Variants in ZBTB17 observed in about 807,000 individuals in gnomAD.
The protein encoded by ZBTB17 is zinc finger and BTB domain containing 17, also known as zinc finger and BTB domain-containing protein 17.
In ZBTB17, 24 loss-of-function variants were observed where a neutral mutation model predicts 85.1. The ratio of observed to expected loss-of-function variants is 0.28; its 90% CI spans 0.20 to 0.40. The LOEUF (loss-of-function observed/expected upper bound fraction) is 0.40. Among genes scored for constraint, ZBTB17 ranks in the 10% least tolerant of loss-of-function variants. ZBTB17 has a pLI of 1.00. For synonymous variants in ZBTB17, 464 were observed against 460.2 expected, an observed-to-expected ratio of 1.01 and a Z score of -0.11; for missense variants, 743 against 1,105.1, an observed-to-expected ratio of 0.67 and a Z score of 4.65.
Position 15,944,714 on chromosome 1 carries a change from G to A in ZBTB17, c.1053C>T (p.Ala351=). The A allele has an allele frequency of 6.2e-7, 1 of 1,609,632 alleles. No homozygotes were observed. The highest frequency in any genetic ancestry group is 8.5e-7 in the Non-Finnish European group (1 of 1,179,886). ...KAFSDPAACK[A]HEKTHSPLKP... ...GGCAGTACCTGTGCGTCTTCTCATGGGCCTTGCACGCGGCCGGGTCGGAAA... is the reference window on the plus strand; with the variant it reads ...GGCAGTACCTGTGCGTCTTCTCATGAGCCTTGCACGCGGCCGGGTCGGAAA... The change falls in exon 8 of 16, where the codon GCC becomes GCT. Residue 351 remains alanine (A), a synonymous_variant. Coordinates refer to ENST00000375743, the MANE Select transcript of ZBTB17 (RefSeq NM_003443.3).
At chr1:15,965,989 A>G (rs192369042) in intron 2 of ZBTB17, among the ~76,000 whole-genome samples, 19 of 152,226 alleles carry the variant, frequency 1.2e-4, no homozygotes, top group African/African-American at 4.6e-4. Context: ...TAATGGGTAC[A>G]TGGAAGATGT....
rs1570099161 is a variant in ZBTB17 at position 15,943,828 on chromosome 1, C to G, written c.1439G>C (p.Gly480Ala). ...CCTACCTGAGGTGGTGAACTGCTTC[C>G]CACACTCTCGGCACTTGAGGGGCCC... ...ADGPLKCREC[G>A]KQFTTSGNLK... Residue 480 changes from glycine (G) to alanine (A), a missense_variant, in exon 10 of 16, where the codon GGG (glycine) becomes GCG (alanine). Around this residue, in one of 4 missense-constraint regions of ZBTB17, gnomAD observed 321 missense variants for 615.7 expected, o/e 0.52. Transcript: ENST00000375743. 1 of 1,612,126 alleles carries G rather than the reference C, an allele frequency of 6.2e-7. No individual in the cohort carries two copies. Among genetic ancestry groups the G allele is most frequent in the Non-Finnish European group, 8.5e-7 (1 of 1,179,482 alleles).
intron 13 of ZBTB17, 159 bp from the exon 14 acceptor site, chr1:15,942,897 A>G: frequency 2.3e-6 from 3 of 1,329,474 alleles, no homozygotes; most frequent in Non-Finnish European, 3.1e-6. Context: ...GCACCTCTGG[A>G]AGCTCTAGGA....
Position 15,944,470 on chromosome 1 carries a change from T to C in ZBTB17, c.1201A>G (p.Thr401Ala). ...TGGTGGCGCTTGAGGTTGCCCGAGGTGGTGAAGAGCTTGCCGCAGTCCTCG... is the reference window on the plus strand; with the variant it reads ...TGGTGGCGCTTGAGGTTGCCCGAGGCGGTGAAGAGCTTGCCGCAGTCCTCG... ...RCEDCGKLFT[T>A]SGNLKRHQLV... The change falls in exon 9 of 16, where the codon ACC becomes GCC. Residue 401 changes from threonine (T) to alanine (A), a missense_variant. Around this residue, in one of 4 missense-constraint regions of ZBTB17, gnomAD observed 321 missense variants for 615.7 expected, o/e 0.52. Coordinates refer to ENST00000375743, the MANE Select transcript of ZBTB17 (RefSeq NM_003443.3). The C allele has an allele frequency of 6.3e-7, 1 of 1,576,804 alleles. No homozygotes were observed.
chr1:15,942,463 T>C (rs1408527706), intron 14 of ZBTB17, 43 bp from the exon 15 acceptor site: 1 of 1,611,404 alleles, frequency 6.2e-7, no homozygotes, highest in Non-Finnish European at 8.5e-7. Flanking sequence ...GCACGGGCAC[T>C]GCCCCATCAT....
At chr1:15,956,015 G>A (rs2148787322) in intron 2 of ZBTB17, among the ~76,000 whole-genome samples, 1 of 152,324 alleles carries the variant, frequency 6.6e-6, no homozygotes, top group South Asian at 2.1e-4. Flanking sequence ...CAGGATTCCA[G>A]CAGCCCAGGC....
At chr1:15,969,233 G>A (rs182833675) in intron 2 of ZBTB17, among the ~76,000 whole-genome samples, 187 of 152,276 alleles carry the variant, frequency 1.2e-3, no homozygotes, top group Middle Eastern at 6.8e-3. Flanking sequence ...CCCCAGATGG[G>A]ATCGTCTAGT....
intron 2 of ZBTB17, among the ~76,000 whole-genome samples, chr1:15,972,030 C>T (rs554456384): frequency 2.0e-4 from 31 of 152,224 alleles, no homozygotes; most frequent in Admixed American, 1.8e-3. Context: ...TTACAGTGAT[C>T]AGTCCAAAAT....
intron 1 of ZBTB17, among the ~76,000 whole-genome samples, chr1:15,975,635 A>C (rs2072845215): frequency 6.6e-6 from 1 of 151,934 alleles, no homozygotes; most frequent in Non-Finnish European, 1.5e-5. Context: ...CGGCCGCAGA[A>C]CGCCCACCCT....
chr1:15,945,834 T>C lies in ZBTB17; in HGVS notation c.542A>G (p.Glu181Gly). 6.3e-7 allele frequency: 1 copy of C among 1,595,934 alleles called. No individual in the cohort carries two copies. The highest frequency in any genetic ancestry group is 8.5e-7 in the Non-Finnish European group (1 of 1,175,310). The change falls in exon 6 of 16, where the codon GAG becomes GGG. Residue 181 changes from glutamate (E) to glycine (G), a missense_variant. Glu to Gly is a moderately conservative substitution (Grantham distance 98, BLOSUM62 -2). Coordinates refer to ENST00000375743, the MANE Select transcript of ZBTB17 (RefSeq NM_003443.3). ...GQAQSAASGA[E>G]QTEKADAPRE... ...GGGCGCATCGGCTTTCTCTGTCTGC[T>C]CTGCACCTGGGTGGGGGAAGCACCG...
chr1:15,945,801 G>C lies in ZBTB17; in HGVS notation c.575C>G (p.Pro192Arg), dbSNP rs200248719. Reference sequence around the variant, plus strand: ...GTCTGGCTTGAGCTCCACAGGCGGCGGCTCCCGGGGCGCATCGGCTTTCTC... The same window carrying C: ...GTCTGGCTTGAGCTCCACAGGCGGCCGCTCCCGGGGCGCATCGGCTTTCTC... ...QTEKADAPRE[P>R]PPVELKPDPT... Residue 192 changes from proline to arginine, a missense_variant, in exon 6 of 16, where the codon CCG (proline) becomes CGG (arginine). Pro to Arg is a moderately radical substitution (Grantham distance 103). Coordinates refer to ENST00000375743, the MANE Select transcript of ZBTB17 (RefSeq NM_003443.3). 3 of 1,603,298 alleles carry C rather than the reference G, an allele frequency of 1.9e-6. No homozygotes were observed. The Admixed American group carries it at 5.0e-5, about 27-fold the overall frequency.
intron 1 of ZBTB17, among the ~76,000 whole-genome samples, chr1:15,974,016 C>T (rs1218544781): frequency 6.6e-6 from 1 of 151,868 alleles, no homozygotes; most frequent in East Asian, 1.9e-4. Flanking sequence ...ATAGTGAGAC[C>T]CCATCTCTAC....
rs1570189280 is a variant in ZBTB17, at chr1:15,964,584, G to A, written c.-3+8455C>T. Among the ~76,000 whole-genome samples the A allele has an allele frequency of 6.6e-6, 1 of 152,296 alleles. No homozygotes were observed. Among genetic ancestry groups the A allele is most frequent in the East Asian group, 1.9e-4 (1 of 5,188 alleles). On this transcript the variant is annotated intron_variant, in intron 2 of 15. Coordinates refer to ENST00000375743, the MANE Select transcript of ZBTB17 (RefSeq NM_003443.3). The surrounding 1 kb of genome is among the most constrained non-coding windows in gnomAD (Gnocchi z 4.3). The stretch of plus-strand genomic sequence containing the variant: ...AAGACAAAAATAGCTGAGCGTGGTG[G>A]CGTGTGCCTCTAGTCTCAGCTACTT...
At chr1:15,969,975 GA>G in intron 2 of ZBTB17, 1 of 840,878 alleles carries the variant, frequency 1.2e-6, no homozygotes, top group Non-Finnish European at 1.9e-6. Flanking sequence ...TCCCACTGGG[GA>G]AGAGAAGCTA....
chr1:15,972,387 C>A (rs1351597418), intron 2 of ZBTB17, among the ~76,000 whole-genome samples: 2 of 152,194 alleles, frequency 1.3e-5, no homozygotes, highest in Non-Finnish European at 2.9e-5. Context: ...AGAGAGTAAT[C>A]CAGACAGACT....
intron 2 of ZBTB17, among the ~76,000 whole-genome samples, chr1:15,970,475 T>C (rs986651026): frequency 6.5e-5 from 9 of 138,952 alleles, no homozygotes; most frequent in Non-Finnish European, 1.3e-4. Context: ...CACTGCAACC[T>C]CCGCCTCCCG....
chr1:15,942,777 G>T (rs765149913), intron 13 of ZBTB17, 39 bp from the exon 14 acceptor site: 293 of 1,605,502 alleles, frequency 1.8e-4, no homozygotes, highest in Non-Finnish European at 2.4e-4. Context: ...TGTGGGAAGG[G>T]GCCGCAGGGA....
At chr1:15,945,959 A>G in intron 5 of ZBTB17, 119 bp from the exon 6 acceptor site, 1 of 1,546,164 alleles carries the variant, frequency 6.5e-7, no homozygotes, top group Non-Finnish European at 8.8e-7. Context: ...GCCCCAGCAC[A>G]CCCCTAGCCA....
chr1:15,976,101 C>G lies in ZBTB17; in HGVS notation c.-208G>C. On this transcript the variant is annotated 5_prime_UTR_variant, in exon 1 of 16. Coordinates refer to ENST00000375743, the MANE Select transcript of ZBTB17 (RefSeq NM_003443.3). ...TGTTAGAGTCGGGCGGAACCGACCT[C>G]GCAGGCTTCCCGGCTGCAACTTCCG... 1.5e-6 allele frequency: 1 copy of G among 672,490 alleles called. No individual in the cohort carries two copies. Among genetic ancestry groups the G allele is most frequent in the East Asian group, 2.8e-5 (1 of 35,148 alleles). The allele number at this position is 672,490 out of a possible 1,614,324, so 41.7% of individuals were successfully genotyped here.
Sources: allele counts gnomAD v4.1 joint callset (sites outside exome capture counted in the v4.1 genomes callset), GRCh38; gene constraint gnomAD v4.1.1; regional missense constraint gnomAD v4.1.1; non-coding constraint Gnocchi (gnomAD v3.1); transcripts MANE v1.5; gene names NCBI Gene and HGNC (gene_info 2026-07-23, HGNC 2026-07-21).